EEIG1: variants seen among roughly 807,000 people sequenced by gnomAD.
The protein encoded by EEIG1 is estrogen-induced osteoclastogenesis regulator 1, also known as early estrogen-induced gene 1 protein.
the EEIG1 span, among the ~76,000 whole-genome samples, chr9:127,956,464 G>A: frequency 1.3e-5 from 2 of 152,176 alleles, no homozygotes; most frequent in South Asian, 4.1e-4. Flanking sequence ...AGGCTGGAGT[G>A]CAAGGGCATA....
At chr9:127,979,656 G>A in the EEIG1 span, among the ~76,000 whole-genome samples, 1 of 152,220 alleles carries the variant, frequency 6.6e-6, no homozygotes, top group Admixed American at 6.5e-5. Flanking sequence ...CAGTTCGGGT[G>A]CAAGGTGGCC....
At chr9:127,944,917 G>A in the EEIG1 span, 16 of 1,607,276 alleles carry the variant, frequency 1.0e-5, no homozygotes, top group South Asian at 1.8e-4. Context: ...GGTCGTGGGG[G>A]GACAAGTCAC....
the EEIG1 span, chr9:127,948,434 C>G: frequency 1.9e-6 from 3 of 1,613,548 alleles, no homozygotes; most frequent in Non-Finnish European, 2.5e-6. Context: ...GGGGAGCAAT[C>G]AGCTATGCCC....
At chr9:127,955,943 A>G in the EEIG1 span, among the ~76,000 whole-genome samples, 1 of 152,228 alleles carries the variant, frequency 6.6e-6, no homozygotes, top group Non-Finnish European at 1.5e-5. Context: ...CACTGAGTGA[A>G]ATGAATCCTG....
the EEIG1 span, among the ~76,000 whole-genome samples, chr9:127,975,208 G>C: frequency 2.0e-5 from 3 of 152,250 alleles, no homozygotes; most frequent in African/African-American, 7.2e-5. Flanking sequence ...CCCCAGCGCG[G>C]CACTGACCTG....
At chr9:127,980,336 C>G in the EEIG1 span, 1 of 550,112 alleles carries the variant, frequency 1.8e-6, no homozygotes, top group East Asian at 3.3e-5. Context: ...GCGGGCTTCA[C>G]CCTCGGGGAG....
the EEIG1 span, chr9:127,940,925 T>C: frequency 6.6e-6 from 1 of 152,100 alleles, no homozygotes; most frequent in Non-Finnish European, 1.5e-5. Flanking sequence ...AATAAAAACA[T>C]TAAACTTTCA....
chr9:127,976,818 C>T, the EEIG1 span, among the ~76,000 whole-genome samples: 21 of 142,678 alleles, frequency 1.5e-4, no homozygotes, highest in African/African-American at 5.2e-4. This position sits in a 1 kb window ranked among gnomAD's most constrained non-coding sequence, Gnocchi z 4.1. Flanking sequence ...ATGCTGCCAC[C>T]ACCAGGTCTC....
chr9:127,974,598 A>G, the EEIG1 span, among the ~76,000 whole-genome samples: 138,472 of 152,216 alleles, frequency 0.91, 63,512 homozygotes, highest in Non-Finnish European at 0.97. Context: ...TTAAGTGCTC[A>G]ATCCACATCT....
At chr9:127,944,712 C>T in the EEIG1 span, 1 of 1,612,444 alleles carries the variant, frequency 6.2e-7, no homozygotes, top group South Asian at 1.1e-5. Flanking sequence ...AGGATGGAGG[C>T]TGAGCGCGGC....
At chr9:127,972,257 C>T in the EEIG1 span, among the ~76,000 whole-genome samples, 1 of 152,090 alleles carries the variant, frequency 6.6e-6, no homozygotes, top group African/African-American at 2.4e-5. The surrounding 1 kb of genome is among the most constrained non-coding windows in gnomAD (Gnocchi z 4.3). Flanking sequence ...ACACGCAGAC[C>T]CCACTGGGGA....
At chr9:127,950,810 G>T in the EEIG1 span, 32 of 752,630 alleles carry the variant, frequency 4.3e-5, no homozygotes, top group African/African-American at 7.2e-5. Context: ...GGGCCAGTGC[G>T]CCTGACATGA....
chr9:127,976,208 G>A, the EEIG1 span, among the ~76,000 whole-genome samples: 3 of 152,186 alleles, frequency 2.0e-5, no homozygotes, highest in Admixed American at 6.5e-5. The surrounding 1 kb of genome is among the most constrained non-coding windows in gnomAD (Gnocchi z 4.1). Flanking sequence ...CAGGGCCTTA[G>A]AGCTGGACCT....
chr9:127,955,553 G>C, the EEIG1 span, among the ~76,000 whole-genome samples: 2 of 152,264 alleles, frequency 1.3e-5, no homozygotes, highest in African/African-American at 4.8e-5. Flanking sequence ...CAGGTGCTGG[G>C]ATGAGCCACT....
At chr9:127,977,545 G>T in the EEIG1 span, among the ~76,000 whole-genome samples, 1 of 152,154 alleles carries the variant, frequency 6.6e-6, no homozygotes, top group Non-Finnish European at 1.5e-5. Flanking sequence ...GACTGGATCT[G>T]GTCCCCACCC....
the EEIG1 span, chr9:127,944,007 C>T: frequency 6.5e-6 from 1 of 153,996 alleles, no homozygotes; most frequent in Non-Finnish European, 1.4e-5. Context: ...CTCATTCGCT[C>T]ACTCGCTCAT....
the EEIG1 span, among the ~76,000 whole-genome samples, chr9:127,966,465 T>C: frequency 6.9e-6 from 1 of 145,706 alleles, no homozygotes; most frequent in Non-Finnish European, 1.5e-5. Flanking sequence ...AAAAAGCCCA[T>C]GCAGGCAGGT....
the EEIG1 span, chr9:127,943,370 C>G: frequency 1.2e-6 from 1 of 800,896 alleles, no homozygotes. Flanking sequence ...GGGCTAAAAC[C>G]GTGCCCCAGC....
chr9:127,980,289 C>G, the EEIG1 span: 1 of 813,638 alleles, frequency 1.2e-6, no homozygotes, highest in African/African-American at 1.7e-5. Context: ...TCCGGGGCCC[C>G]AGGTCTGAGA....
Sources: gnomAD v4.1 joint callset for allele counts (sites outside exome capture counted in the v4.1 genomes callset) on GRCh38, gnomAD v4.1.1 for gene constraint, Gnocchi (gnomAD v3.1) non-coding constraint, MANE v1.5 for transcripts, NCBI Gene and HGNC (gene_info 2026-07-23, HGNC 2026-07-21) for gene names.